Variants in ADCK1 observed in about 807,000 individuals in gnomAD.
ADCK1 encodes aarF domain containing kinase 1.
In ADCK1, 41 loss-of-function variants were observed where a neutral mutation model predicts 52.3. The ratio of observed to expected loss-of-function variants is 0.78; its 90% CI spans 0.61 to 1.02. The LOEUF (loss-of-function observed/expected upper bound fraction) is 1.02. Ranked by LOEUF, ADCK1 falls within the 50% of genes least tolerant of loss-of-function variation. ADCK1 has a pLI of 0.00. For missense variants in ADCK1, 658 were observed against 679.5 expected (o/e 0.97, Z 0.35); for synonymous variants, 250 against 274.6 (o/e 0.91, Z 0.89).
intron 9 of ADCK1, 23 bp downstream of exon 9, chr14:77,925,984 G>T: frequency 1.2e-6 from 2 of 1,612,942 alleles, no homozygotes; most frequent in Non-Finnish European, 8.5e-7. Context: ...TCCAGGCCCT[G>T]CCTCTTCCTA....
intron 5 of ADCK1, among the ~76,000 whole-genome samples, chr14:77,897,176 A>C (rs2083428989): frequency 1.3e-5 from 2 of 152,322 alleles, no homozygotes; most frequent in South Asian, 4.1e-4. Flanking sequence ...CCAGGGTTAG[A>C]GATGGTTGTT....
chr14:77,911,703 A>AT (rs1184592358), intron 7 of ADCK1, among the ~76,000 whole-genome samples: 2 of 143,442 alleles, frequency 1.4e-5, no homozygotes, highest in Non-Finnish European at 3.1e-5. Flanking sequence ...TCATTGGGCT[A>AT]TTTTTTTCTC....
chr14:77,897,583 A>G (rs2083439112), intron 5 of ADCK1, among the ~76,000 whole-genome samples: 1 of 152,208 alleles, frequency 6.6e-6, no homozygotes, highest in Admixed American at 6.5e-5. Flanking sequence ...AAGAATCCAC[A>G]GTGGAGTCAA....
intron 5 of ADCK1, 55 bp downstream of exon 5, chr14:77,887,304 C>A: frequency 2.0e-6 from 3 of 1,482,290 alleles, no homozygotes; most frequent in South Asian, 1.4e-5. Context: ...TCCCTGGGAT[C>A]CAGGCCACCT....
chr14:77,893,249 T>A (rs1333678564), intron 5 of ADCK1, among the ~76,000 whole-genome samples: 1 of 152,144 alleles, frequency 6.6e-6, no homozygotes, highest in African/African-American at 2.4e-5. Context: ...GGTGAACTGA[T>A]GAAGCATAGT....
intron 5 of ADCK1, among the ~76,000 whole-genome samples, chr14:77,898,051 A>AGCTT (rs2083449846): frequency 2.0e-5 from 3 of 152,138 alleles, no homozygotes. Context: ...TGAGGACAGG[A>AGCTT]GCTTGAGACC....
Position 77,896,248 on chromosome 14 carries a change from C to T in ADCK1, c.583-2852C>T, listed in dbSNP as rs142657471. ...TGATAATTAAAAATTCCACAAAAAA[C>T]AGTGACCATACAATAAATGATGAGG... On this transcript the variant is annotated intron_variant, in intron 5 of 10. Transcript: ENST00000238561. 3.3e-4 allele frequency among the ~76,000 whole-genome samples: 50 copies of T among 152,248 alleles called. No individual in the cohort carries two copies. In the East Asian group the frequency reaches 9.5e-3, roughly 29 times the overall value.
At chr14:77,922,733 T>C (rs2084092431) in intron 7 of ADCK1, among the ~76,000 whole-genome samples, 1 of 152,200 alleles carries the variant, frequency 6.6e-6, no homozygotes, top group African/African-American at 2.4e-5. Context: ...CATGAGTTAG[T>C]TAAACCTTGA....
At chr14:77,839,600 C>T (rs756800009) in intron 3 of ADCK1, among the ~76,000 whole-genome samples, 4 of 152,040 alleles carry the variant, frequency 2.6e-5, no homozygotes, top group Non-Finnish European at 5.9e-5. Context: ...CTCCCCTTCC[C>T]GGTGCACTGC....
At chr14:77,878,115 C>T (rs997220890) in intron 4 of ADCK1, among the ~76,000 whole-genome samples, 4 of 152,230 alleles carry the variant, frequency 2.6e-5, no homozygotes, top group East Asian at 3.8e-4. Flanking sequence ...TACTTTCTAT[C>T]GCCTTCCCTT....
At chr14:77,924,717 C>T in intron 8 of ADCK1, 111 bp downstream of exon 8, 3 of 1,409,866 alleles carry the variant, frequency 2.1e-6, no homozygotes, top group South Asian at 1.3e-5. Flanking sequence ...CTGGAAAGGA[C>T]CCTTCCCTCT....
chr14:77,883,377 G>C (rs924747520), intron 4 of ADCK1, among the ~76,000 whole-genome samples: 2 of 146,560 alleles, frequency 1.4e-5, no homozygotes, highest in African/African-American at 5.0e-5. Flanking sequence ...CCTGATTGGA[G>C]GGGGGTGGTG....
intron 4 of ADCK1, among the ~76,000 whole-genome samples, chr14:77,866,215 C>G (rs937217032): frequency 1.3e-5 from 2 of 152,136 alleles, no homozygotes; most frequent in Non-Finnish European, 2.9e-5. Context: ...GCAATTGTAA[C>G]ACAATGGTGC....
In ADCK1 at chr14:77,931,584, C is replaced by T. The variant is rs2084337518; in HGVS notation, c.1273C>T (p.Pro425Ser). 1 of 1,613,962 alleles carries T rather than the reference C, an allele frequency of 6.2e-7. No individual in the cohort carries two copies. Among genetic ancestry groups the T allele is most frequent in the Admixed American group, 1.7e-5 (1 of 60,032 alleles). Residue 425 changes from proline to serine, a missense_variant, in exon 10 of 11, where the codon CCG becomes TCG. By Grantham distance (74) the Pro-to-Ser change is moderately conservative. Transcript: ENST00000238561. ...PQISHLLNHV[P>S]RQMLLILKTN... ...GATCAGCCATCTCCTCAACCACGTG[C>T]CGCGCCAGATGCTGCTCATCTTGAA...
intron 3 of ADCK1, among the ~76,000 whole-genome samples, chr14:77,845,332 G>A (rs912840282): frequency 6.6e-6 from 1 of 152,196 alleles, no homozygotes; most frequent in African/African-American, 2.4e-5. Flanking sequence ...TACCATAAAT[G>A]AGAAAATACA....
At chr14:77,820,754 ATATT>A (rs2081564559) in intron 2 of ADCK1, among the ~76,000 whole-genome samples, 1 of 149,524 alleles carries the variant, frequency 6.7e-6, no homozygotes, top group Non-Finnish European at 1.5e-5. Context: ...ATATATATAT[ATATT>A]TATTATTATT....
chr14:77,890,317 T>A (rs2083257768), intron 5 of ADCK1, among the ~76,000 whole-genome samples: 1 of 152,222 alleles, frequency 6.6e-6, no homozygotes, highest in South Asian at 2.1e-4. Flanking sequence ...GCCAGGGCCT[T>A]AGTTCCTCTC....
chr14:77,861,520 C>T (rs748450329), intron 4 of ADCK1, among the ~76,000 whole-genome samples: 6 of 152,084 alleles, frequency 3.9e-5, no homozygotes, highest in Admixed American at 3.3e-4. Flanking sequence ...TTGAGTGGGC[C>T]CCACTCATCC....
intron 5 of ADCK1, among the ~76,000 whole-genome samples, chr14:77,892,840 A>G (rs2140222703): frequency 6.6e-6 from 1 of 152,244 alleles, no homozygotes. Flanking sequence ...AGCCAGGATG[A>G]TGGGGGAGAT....
Sources: gnomAD v4.1 joint callset for allele counts (sites outside exome capture counted in the v4.1 genomes callset) on GRCh38, gnomAD v4.1.1 for gene constraint, MANE v1.5 for transcripts, NCBI Gene and HGNC (gene_info 2026-07-23, HGNC 2026-07-21) for gene names.